CYLC1: variants seen among roughly 807,000 people sequenced by gnomAD.
CYLC1 encodes cylicin 1, also known as cylicin-1.
Under a neutral mutation model 31.6 loss-of-function variants are expected in CYLC1, and 2 were observed. The ratio of observed to expected loss-of-function variants is 0.06; its 90% CI spans 0.03 to 0.20. The LOEUF (loss-of-function observed/expected upper bound fraction) is 0.20, where lower values mean the gene tolerates loss of function less well. CYLC1 is among the 10% of genes least tolerant of loss of function. The pLI is 1.00. For synonymous variants in CYLC1, 185 were observed against 153.0 expected (o/e 1.21, Z -1.54); for missense variants, 595 against 424.1 (o/e 1.40, Z -3.54).
At chrX:83,865,788 G>A (rs1201437025) in intron 1 of CYLC1, among the ~76,000 whole-genome samples, 1 of 111,303 alleles carries the variant, frequency 9.0e-6, no homozygotes, top group African/African-American at 3.3e-5. Context: ...ATGCACAATT[G>A]TCATAACACT....
chrX:83,877,353 A>G (rs1460329621), intron 4 of CYLC1, among the ~76,000 whole-genome samples: 1 of 111,191 alleles, frequency 9.0e-6, no homozygotes, highest in Non-Finnish European at 1.9e-5. Context: ...GGCTCAAGCA[A>G]TCTTCCAGCC....
chrX:83,877,567 G>C (rs2031787494), intron 4 of CYLC1, among the ~76,000 whole-genome samples: 1 of 109,115 alleles, frequency 9.2e-6, no homozygotes, highest in African/African-American at 3.3e-5. Context: ...TTGTTTTCTT[G>C]CAAAGCCTTC....
chrX:83,866,635 G>T (rs1320444643), intron 1 of CYLC1, among the ~76,000 whole-genome samples: 1 of 110,483 alleles, frequency 9.1e-6, no homozygotes, highest in Non-Finnish European at 1.9e-5. Context: ...TTAAAAAAAA[G>T]GTTCCTCCAC....
At chrX:83,881,760 G>A (rs1282426112) in intron 4 of CYLC1, among the ~76,000 whole-genome samples, 2 of 101,914 alleles carry the variant, frequency 2.0e-5, no homozygotes, top group Non-Finnish European at 4.0e-5. Flanking sequence ...AGTCTCGCGC[G>A]ATCTCGGCTC....
At position 83,885,914 on chromosome X, in the gene CYLC1, A is replaced by C. The variant is rs1027569941; in HGVS notation, c.1924-638A>C. ...TAGAGGGGGGTTAGTAAGATCTGAA[A>C]CAGATTAGTATGCATTCATTGAAAT... is the stretch of plus-strand genomic sequence containing the variant. On this transcript the variant is annotated intron_variant, in intron 4 of 4. Coordinates refer to ENST00000329312, the MANE Select transcript of CYLC1 (RefSeq NM_021118.3). 2.3e-4 allele frequency among the ~76,000 whole-genome samples: 25 copies of C among 110,119 alleles called. 1 individual carries two copies. In the East Asian group the frequency reaches 2.8e-3, roughly 12 times the overall value.
At chrX:83,866,934 G>A (rs751662312) in intron 1 of CYLC1, among the ~76,000 whole-genome samples, 4 of 111,015 alleles carry the variant, frequency 3.6e-5, no homozygotes, top group Non-Finnish European at 5.7e-5. Context: ...TTTTACTATA[G>A]GCAGCAAGAA....
intron 4 of CYLC1, among the ~76,000 whole-genome samples, chrX:83,881,757 C>T (rs185569174): frequency 1.8e-4 from 18 of 102,687 alleles, no homozygotes; most frequent in African/African-American, 5.4e-4. Context: ...CAGAGTCTCG[C>T]GCGATCTCGG....
intron 4 of CYLC1, among the ~76,000 whole-genome samples, chrX:83,878,940 A>C (rs143575160): frequency 1.4e-4 from 15 of 106,673 alleles, no homozygotes; most frequent in African/African-American, 5.1e-4. Context: ...TCACAGTAGC[A>C]CATAAGCACG....
chrX:83,878,135 TA>T (rs1395636986), intron 4 of CYLC1, among the ~76,000 whole-genome samples: 1 of 49,547 alleles, frequency 2.0e-5, no homozygotes, highest in Non-Finnish European at 3.2e-5. Context: ...AATATATATA[TA>T]AAAATATATA....
intron 1 of CYLC1, among the ~76,000 whole-genome samples, chrX:83,868,999 C>T (rs1158289950): frequency 9.1e-6 from 1 of 109,736 alleles, no homozygotes; most frequent in Non-Finnish European, 1.9e-5. Context: ...TATTACTGAG[C>T]CTTTCACACT....
Position 83,877,105 on chromosome X carries a change from AC to A in CYLC1, c.1923+2476del, listed in dbSNP as rs763952072. 6.9e-3 allele frequency among the ~76,000 whole-genome samples: 763 copies of A among 111,053 alleles called. 5 individuals carry two copies. The highest frequency in any genetic ancestry group is 0.012 in the Non-Finnish European group (635 of 52,921). ...TGTCTTCATCTTATCAGATGGCACC[AC>A]CATCCAGCCAGTTGATTTTTTTAAG... On this transcript the variant is annotated intron_variant, in intron 4 of 4. Coordinates refer to ENST00000329312, the MANE Select transcript of CYLC1 (RefSeq NM_021118.3).
intron 1 of CYLC1, among the ~76,000 whole-genome samples, chrX:83,869,135 A>G (rs1336457255): frequency 9.1e-6 from 1 of 110,367 alleles, no homozygotes; most frequent in African/African-American, 3.3e-5. Flanking sequence ...GCTATTTTTT[A>G]TTTGATTTCA....
At chrX:83,869,069 C>T (rs749634053) in intron 1 of CYLC1, among the ~76,000 whole-genome samples, 189 of 110,346 alleles carry the variant, frequency 1.7e-3, no homozygotes, top group Non-Finnish European at 3.1e-3. Flanking sequence ...AAAGTTTCTA[C>T]TGTTCAGTAT....
At chrX:83,886,206 T>G (rs756276183) in intron 4 of CYLC1, among the ~76,000 whole-genome samples, 7 of 111,465 alleles carry the variant, frequency 6.3e-5, no homozygotes, top group Non-Finnish European at 1.1e-4. Context: ...GTTGTGAAAG[T>G]TTAGGCTAAT....
chrX:83,868,856 G>T (rs113100203), intron 1 of CYLC1, among the ~76,000 whole-genome samples: 4,004 of 109,998 alleles, frequency 0.036, 178 homozygotes, highest in African/African-American at 0.12. Context: ...CTTCCAAATT[G>T]TCTTGTATAT....
At chrX:83,882,869 A>AT (rs1416880581) in intron 4 of CYLC1, among the ~76,000 whole-genome samples, 4 of 111,284 alleles carry the variant, frequency 3.6e-5, no homozygotes, top group African/African-American at 1.3e-4. Context: ...AAAAAAATGA[A>AT]TTTTTTAAAT....
At position 83,874,704 on chromosome X, in the gene CYLC1, T is replaced by C. The variant is rs998408999; in HGVS notation, c.1923+73T>C. 1.7e-5 allele frequency: 17 copies of C among 1,021,180 alleles called. No homozygotes were observed. The South Asian group carries it at 4.3e-4, about 26-fold the overall frequency. The allele number at this position is 1,021,180 out of a possible 1,213,427, so 84.2% of individuals were successfully genotyped here. ...AAAGACTTTTTAAAGTTTGAATTTA[T>C]GTTTTCTCCAAATAATAGTTATCTT... On this transcript the variant is annotated intron_variant, in intron 4 of 4. Coordinates refer to ENST00000329312, the MANE Select transcript of CYLC1 (RefSeq NM_021118.3).
intron 3 of CYLC1, 149 bp downstream of exon 3, chrX:83,871,719 C>A: frequency 2.1e-6 from 1 of 478,243 alleles, no homozygotes. Context: ...CTGCCCCTAC[C>A]TGCTTTAGAT....
intron 4 of CYLC1, among the ~76,000 whole-genome samples, chrX:83,880,594 C>T (rs1252383002): frequency 9.0e-6 from 1 of 111,462 alleles, no homozygotes; most frequent in Admixed American, 9.6e-5. Flanking sequence ...ATCTTAATCA[C>T]TTGAAATATT....
Sources: gnomAD v4.1 joint callset for allele counts (sites outside exome capture counted in the v4.1 genomes callset) on GRCh38, gnomAD v4.1.1 for gene constraint, MANE v1.5 for transcripts, NCBI Gene and HGNC (gene_info 2026-07-23, HGNC 2026-07-21) for gene names.